Variants in DSG2 observed in about 807,000 individuals in gnomAD.
DSG2 encodes desmoglein 2, also known as desmoglein-2.
In DSG2, 45 loss-of-function variants were observed where a neutral mutation model predicts 75.6. The observed-to-expected ratio is 0.60, with a 90% confidence interval of 0.47 to 0.76. The LOEUF is 0.76. DSG2 is among the 30% of genes least tolerant of loss of function. The pLI, the probability that DSG2 is intolerant of heterozygous loss-of-function variation, is 0.00. For missense variants in DSG2, 1,267 were observed against 1,357.4 expected (o/e 0.93, Z 1.05); for synonymous variants, 429 against 483.9 (o/e 0.89, Z 1.49).
At position 31,546,432 on chromosome 18, in the gene DSG2, G is replaced by T; in HGVS notation, c.3046G>T (p.Val1016Leu). Reference protein sequence around the residue: ...QHLQDVPYVMVRERESFLAPS... With the variant: ...QHLQDVPYVMLRERESFLAPS... ...TCTTCAAGATGTACCTTACGTCATGGTGAGGGAAAGAGAGAGCTTCCTTGC... is the reference window on the plus strand; with the variant it reads ...TCTTCAAGATGTACCTTACGTCATGTTGAGGGAAAGAGAGAGCTTCCTTGC... The change falls in exon 15 of 15, where the codon GTG becomes TTG. Residue 1016 changes from valine to leucine, a missense_variant. By Grantham distance (32) the Val-to-Leu change is conservative. Transcript: ENST00000261590. 2 of 1,614,182 alleles carry T rather than the reference G, an allele frequency of 1.2e-6. No homozygotes were observed. The highest frequency in any genetic ancestry group is 1.1e-5 in the South Asian group (1 of 91,080).
chr18:31,521,357 C>A, intron 5 of DSG2, 114 bp downstream of exon 5: 2 of 1,139,682 alleles, frequency 1.8e-6, no homozygotes, highest in Non-Finnish European at 2.5e-6. Flanking sequence ...ACCTACAGAA[C>A]AAATGATAAG....
Position 31,524,717 on chromosome 18 carries a change from TGAA to T in DSG2, c.847_849del (p.Glu283del), listed in dbSNP as rs1365781004. 1 of 1,614,080 alleles carries T rather than the reference TGAA, an allele frequency of 6.2e-7. No homozygotes were observed. The highest frequency in any genetic ancestry group is 2.2e-5 in the East Asian group (1 of 44,888). Reference sequence around the variant, plus strand: ...ATGTTTTGCAGCTTGAAGGGATGGTTGAAGAAAATCAAGTCAACGTAGAAGTTA... The same window carrying T: ...ATGTTTTGCAGCTTGAAGGGATGGTTGAAAATCAAGTCAACGTAGAAGTTA... On this transcript the variant is annotated inframe_deletion, in exon 8 of 15. Transcript: ENST00000261590.
intron 1 of DSG2, among the ~76,000 whole-genome samples, chr18:31,500,066 G>A (rs1285775315): frequency 7.1e-6 from 1 of 141,468 alleles, no homozygotes; most frequent in African/African-American, 2.7e-5. Flanking sequence ...AAAATGGAAA[G>A]CAACTCATCT....
intron 12 of DSG2, 151 bp from the exon 13 acceptor site, chr18:31,541,042 A>G: frequency 4.2e-6 from 4 of 950,086 alleles, no homozygotes; most frequent in Non-Finnish European, 6.4e-6. Flanking sequence ...AAGCTTGGTA[A>G]GGTTGGATCA....
At chr18:31,504,848 G>A (rs1306224010) in intron 1 of DSG2, among the ~76,000 whole-genome samples, 5 of 152,128 alleles carry the variant, frequency 3.3e-5, no homozygotes, top group South Asian at 2.1e-4. Flanking sequence ...GACTGAAAAC[G>A]TTGGCACCCT....
At position 31,498,290 on chromosome 18, in the gene DSG2, TCTC is replaced by T. The variant is rs2072994567; in HGVS notation, c.42_44del (p.Leu15del). The T allele has an allele frequency of 1.6e-6, 2 of 1,264,422 alleles. No homozygotes were observed. The highest frequency in any genetic ancestry group is 2.0e-6 in the Non-Finnish European group (2 of 999,440). 78.3% of individuals were successfully genotyped at this position (1,264,422 alleles called of 1,614,324 possible). A position where few individuals can be genotyped will look rare whatever the true frequency, so the allele number is the denominator to read the frequency against. ...CGGGACGCGCGTACGCCCTGCTGCT[TCTC>T]CTGGTAAGTGCCGCAAGCGGGACAG... On this transcript the variant is annotated inframe_deletion, in exon 1 of 15. Coordinates refer to ENST00000261590, the MANE Select transcript of DSG2 (RefSeq NM_001943.5).
Position 31,547,539 on chromosome 18 carries a change from T to TGATGGTGGGCGC in DSG2, c.*797_*808dup. On this transcript the variant is annotated 3_prime_UTR_variant, in exon 15 of 15. Coordinates refer to ENST00000261590, the MANE Select transcript of DSG2 (RefSeq NM_001943.5). Reference sequence around the variant, plus strand: ...TAAAAATACAAAAATTAGCTGGGCGTGATGGTGGGCGCCTGTAATCCCAGC... The same window carrying TGATGGTGGGCGC: ...TAAAAATACAAAAATTAGCTGGGCGTGATGGTGGGCGCGATGGTGGGCGCCTGTAATCCCAGC... 6.6e-6 allele frequency: 1 copy of TGATGGTGGGCGC among 151,932 alleles called. No individual in the cohort carries two copies. Among genetic ancestry groups the TGATGGTGGGCGC allele is most frequent in the South Asian group, 2.1e-4 (1 of 4,812 alleles). 9.4% of individuals were successfully genotyped at this position (151,932 alleles called of 1,614,324 possible). A position where few individuals can be genotyped will look rare whatever the true frequency, so the allele number is the denominator to read the frequency against.
chr18:31,515,125 C>T (rs1049538864), intron 1 of DSG2, among the ~76,000 whole-genome samples: 9 of 152,016 alleles, frequency 5.9e-5, no homozygotes, highest in African/African-American at 1.9e-4. Context: ...TTGTTTGAGA[C>T]AGAGTCTCAC....
At position 31,548,679 on chromosome 18, in the gene DSG2, C is replaced by G. The variant is rs537110155; in HGVS notation, c.*1936C>G. 2 of 152,158 alleles carry G rather than the reference C, an allele frequency of 1.3e-5. No homozygotes were observed. Among genetic ancestry groups the G allele is most frequent in the Non-Finnish European group, 2.9e-5 (2 of 68,024 alleles). 9.4% of individuals were successfully genotyped at this position (152,158 alleles called of 1,614,324 possible). ...ACAAAAGTTGGTCTTAAGCTTCCAC[C>G]TTGAGCAGCCTTGGAAACCTAACCT... is the stretch of plus-strand genomic sequence containing the variant. On this transcript the variant is annotated 3_prime_UTR_variant, in exon 15 of 15. Coordinates refer to ENST00000261590, the MANE Select transcript of DSG2 (RefSeq NM_001943.5).
chr18:31,530,189 A>G (rs1274883976), intron 8 of DSG2, among the ~76,000 whole-genome samples: 2 of 152,166 alleles, frequency 1.3e-5, no homozygotes. Context: ...GAAAATCTCT[A>G]GGTTTCTTCT....
chr18:31,529,835 A>G (rs2073183765), intron 8 of DSG2, among the ~76,000 whole-genome samples: 1 of 152,244 alleles, frequency 6.6e-6, no homozygotes, highest in South Asian at 2.1e-4. Context: ...TAGTTCTTTT[A>G]GTAATAGGAT....
chr18:31,531,642 A>G (rs905406227), intron 9 of DSG2, among the ~76,000 whole-genome samples: 2 of 152,250 alleles, frequency 1.3e-5, no homozygotes, highest in African/African-American at 2.4e-5. Flanking sequence ...TACAAGTTAC[A>G]TAATGTATTT....
At position 31,536,183 on chromosome 18, in the gene DSG2, T is replaced by C. The variant is rs2073228801; in HGVS notation, c.1424-19T>C. On this transcript the variant is annotated intron_variant, in intron 10 of 14. Coordinates refer to ENST00000261590, the MANE Select transcript of DSG2 (RefSeq NM_001943.5). ...CAATAGGAACAGAATGTACATACTT[T>C]TTCTCTCTTATTTTTAAGATTATCC... 6.2e-7 allele frequency: 1 copy of C among 1,611,238 alleles called. No homozygotes were observed. The highest frequency in any genetic ancestry group is 8.5e-7 in the Non-Finnish European group (1 of 1,177,762).
At chr18:31,532,215 G>A (rs75262526) in intron 9 of DSG2, among the ~76,000 whole-genome samples, 2,157 of 152,264 alleles carry the variant, frequency 0.014, 60 homozygotes, top group African/African-American at 0.049. Context: ...AACAGATTTG[G>A]TATCTGGTGA....
chr18:31,521,218 G>A lies in DSG2; in HGVS notation c.498G>A (p.Gly166=), dbSNP rs1273951737. 6.8e-6 allele frequency: 11 copies of A among 1,612,596 alleles called. No individual in the cohort carries two copies. Among genetic ancestry groups the A allele is most frequent in the Non-Finnish European group, 9.3e-6 (11 of 1,179,638 alleles). ...EPVFTQDVFV[G]SVEELSAAHT... is the part of the protein sequence containing the mutation. ...TGTTCACACAGGATGTCTTTGTTGGGTCTGTTGAAGAGTTGAGTGCAGCAC... is the reference window on the plus strand; with the variant it reads ...TGTTCACACAGGATGTCTTTGTTGGATCTGTTGAAGAGTTGAGTGCAGCAC... Residue 166 remains glycine (G), a synonymous_variant, in exon 5 of 15, where the codon GGG becomes GGA. Coordinates refer to ENST00000261590, the MANE Select transcript of DSG2 (RefSeq NM_001943.5).
chr18:31,524,012 A>G (rs1456582898), intron 6 of DSG2, among the ~76,000 whole-genome samples: 36 of 152,218 alleles, frequency 2.4e-4, no homozygotes, highest in Non-Finnish European at 1.5e-5. Flanking sequence ...CACATACTAT[A>G]AGAATCAAAT....
chr18:31,523,668 C>G (rs911149456), intron 6 of DSG2, among the ~76,000 whole-genome samples: 1 of 152,182 alleles, frequency 6.6e-6, no homozygotes, highest in African/African-American at 2.4e-5. Flanking sequence ...AGGTACTGTT[C>G]TAAGCCTTTT....
intron 1 of DSG2, among the ~76,000 whole-genome samples, chr18:31,514,265 G>C (rs550004909): frequency 1.1e-4 from 16 of 152,148 alleles, no homozygotes; most frequent in African/African-American, 4.8e-5. Context: ...TACTATCTTT[G>C]CAACATTTCT....
chr18:31,539,512 C>T (rs2073253443), intron 12 of DSG2, among the ~76,000 whole-genome samples: 1 of 152,226 alleles, frequency 6.6e-6, no homozygotes, highest in Non-Finnish European at 1.5e-5. Context: ...CTGAGCACTT[C>T]CTGTCCTTCC....
Sources: allele counts gnomAD v4.1 joint callset (sites outside exome capture counted in the v4.1 genomes callset), GRCh38; gene constraint gnomAD v4.1.1; transcripts MANE v1.5; gene names NCBI Gene and HGNC (gene_info 2026-07-23, HGNC 2026-07-21).